The following NEBL variants were observed in gnomAD, a reference collection of about 807,000 sequenced individuals.
The protein encoded by NEBL is LIM and SH3 protein 2.
Under a neutral mutation model 140.2 loss-of-function variants are expected in NEBL, and 122 were observed. The ratio of observed to expected loss-of-function variants is 0.87; its 90% confidence interval spans 0.75 to 1.01. The LOEUF is 1.01. NEBL is among the 50% of genes least tolerant of loss of function. NEBL has a pLI of 0.00. For missense variants in NEBL, 1,365 were observed against 1,231.3 expected, an observed-to-expected ratio of 1.11 and a Z score of -1.62; for synonymous variants, 436 against 398.9, an observed-to-expected ratio of 1.09 and a Z score of -1.11.
Position 20,947,992 on chromosome 10 carries a change from T to C in NEBL, c.357+13680A>G, listed in dbSNP as rs540272031. ...TATGTTAACACTAACAAAAGGTACATGTATAAATCTCATAATGTTTTAAGA... is the reference window on the plus strand; with the variant it reads ...TATGTTAACACTAACAAAAGGTACACGTATAAATCTCATAATGTTTTAAGA... On this transcript the variant is annotated intron_variant, in intron 4 of 6. Coordinates refer to the NEBL transcript ENST00000417816. Among the ~76,000 whole-genome samples the C allele has an allele frequency of 2.1e-3, 322 of 152,340 alleles. 4 individuals carry two copies. Among genetic ancestry groups the C allele is most frequent in the Non-Finnish European group, 6.0e-4 (41 of 68,026 alleles).
chr10:21,214,509 CAT>C (rs1841961090), intron 3 of NEBL, among the ~76,000 whole-genome samples: 4 of 148,700 alleles, frequency 2.7e-5, no homozygotes, highest in African/African-American at 1.0e-4. Flanking sequence ...CATGCACACA[CAT>C]GCACACATGC....
At chr10:21,230,403 A>G (rs542512552) in intron 3 of NEBL, among the ~76,000 whole-genome samples, 2 of 152,332 alleles carry the variant, frequency 1.3e-5, no homozygotes, top group East Asian at 3.9e-4. Flanking sequence ...TTAAAAAAAG[A>G]AAGAAAAATG....
intron 2 of NEBL, among the ~76,000 whole-genome samples, chr10:21,103,098 T>G (rs1837550464): frequency 6.6e-6 from 1 of 151,966 alleles, no homozygotes; most frequent in Non-Finnish European, 1.5e-5. Context: ...GAGTATGGTA[T>G]CTAACTTTTT....
chr10:21,021,824 T>C (rs1838808803), intron 2 of NEBL, among the ~76,000 whole-genome samples: 1 of 152,266 alleles, frequency 6.6e-6, no homozygotes, highest in East Asian at 1.9e-4. Context: ...CCTGCCTATA[T>C]CGCTAGCACC....
chr10:21,043,513 A>C (rs1281466042), intron 2 of NEBL, among the ~76,000 whole-genome samples: 1 of 152,236 alleles, frequency 6.6e-6, no homozygotes, highest in Non-Finnish European at 1.5e-5. Context: ...TCTTTAACTA[A>C]ATAGCATGCA....
intron 10 of NEBL, among the ~76,000 whole-genome samples, chr10:20,851,398 G>A (rs1476527807): frequency 6.6e-6 from 1 of 152,030 alleles, no homozygotes; most frequent in African/African-American, 2.4e-5. Context: ...ATACCTATTT[G>A]TAGACATAAT....
At chr10:21,190,625 A>C (rs1841556483) in intron 3 of NEBL, among the ~76,000 whole-genome samples, 1 of 152,358 alleles carries the variant, frequency 6.6e-6, no homozygotes, top group East Asian at 1.9e-4. Flanking sequence ...TATACAATGC[A>C]ATTAATCTCT....
At chr10:20,823,682 TA>T (rs2130856639) in intron 18 of NEBL, among the ~76,000 whole-genome samples, 1 of 152,256 alleles carries the variant, frequency 6.6e-6, no homozygotes, top group Non-Finnish European at 1.5e-5. Flanking sequence ...AACAAGTATT[TA>T]AAGGCAAAAG....
At chr10:21,196,986 C>T (rs570124253) in intron 3 of NEBL, among the ~76,000 whole-genome samples, 3 of 152,132 alleles carry the variant, frequency 2.0e-5, no homozygotes, top group East Asian at 1.9e-4. Flanking sequence ...GATGTTATTT[C>T]GTTTTCTCAC....
At chr10:21,086,254 T>A (rs1237712827) in intron 2 of NEBL, among the ~76,000 whole-genome samples, 1 of 152,172 alleles carries the variant, frequency 6.6e-6, no homozygotes, top group Non-Finnish European at 1.5e-5. Flanking sequence ...CAGAAAAATA[T>A]TAGCTTATCC....
chr10:21,082,930 T>A (rs1465460035), intron 2 of NEBL, among the ~76,000 whole-genome samples: 1 of 152,006 alleles, frequency 6.6e-6, no homozygotes, highest in Non-Finnish European at 1.5e-5. Flanking sequence ...ACCTGGCTAA[T>A]TTTTGAATTT....
intron 2 of NEBL, chr10:21,146,446 A>T: frequency 1.2e-6 from 2 of 1,613,804 alleles, no homozygotes; most frequent in Non-Finnish European, 1.7e-6. Flanking sequence ...GACAGCCAAT[A>T]TCTTCAGAAA....
chr10:20,831,821 A>T (rs1208702048), intron 14 of NEBL, among the ~76,000 whole-genome samples: 1 of 152,166 alleles, frequency 6.6e-6, no homozygotes, highest in Non-Finnish European at 1.5e-5. Context: ...AGAAGAAAAA[A>T]CACAGCTAGC....
chr10:21,084,562 A>T (rs1242368488), intron 2 of NEBL, among the ~76,000 whole-genome samples: 1 of 152,090 alleles, frequency 6.6e-6, no homozygotes, highest in East Asian at 1.9e-4. Flanking sequence ...GTGCCACTGC[A>T]CTGCAGCCTG....
chr10:21,193,323 T>C (rs1451900002), intron 3 of NEBL, among the ~76,000 whole-genome samples: 5 of 152,144 alleles, frequency 3.3e-5, no homozygotes, highest in Non-Finnish European at 7.4e-5. Flanking sequence ...AAGTTGATTA[T>C]TGGTGGCTGC....
At chr10:20,794,136 G>T (rs1836268116) in intron 26 of NEBL, among the ~76,000 whole-genome samples, 1 of 152,180 alleles carries the variant, frequency 6.6e-6, no homozygotes, top group Non-Finnish European at 1.5e-5. Flanking sequence ...AACATTCCTG[G>T]GAAAGCCAGT....
intron 2 of NEBL, among the ~76,000 whole-genome samples, chr10:21,076,524 A>G (rs1836096567): frequency 6.6e-6 from 1 of 151,976 alleles, no homozygotes; most frequent in Non-Finnish European, 1.5e-5. Context: ...TAACCAAAAA[A>G]AAACTAAAGT....
chr10:20,944,744 A>C (rs1317964291), intron 4 of NEBL, among the ~76,000 whole-genome samples: 1 of 152,202 alleles, frequency 6.6e-6, no homozygotes, highest in East Asian at 1.9e-4. Context: ...TCAATTCTAA[A>C]TCAATGCAAT....
intron 2 of NEBL, among the ~76,000 whole-genome samples, chr10:20,894,206 A>T (rs1385656686): frequency 6.6e-6 from 1 of 152,236 alleles, no homozygotes; most frequent in Non-Finnish European, 1.5e-5. Context: ...CCGGTGGCTC[A>T]CACCTGTAAT....
Sources: gnomAD v4.1 joint callset for allele counts (sites outside exome capture counted in the v4.1 genomes callset) on GRCh38, gnomAD v4.1.1 for gene constraint, MANE v1.5 for transcripts, NCBI Gene and HGNC (gene_info 2026-07-23, HGNC 2026-07-21) for gene names.